The following EPS15 variants were observed in gnomAD, a reference collection of about 807,000 sequenced individuals.
EPS15 encodes the protein epidermal growth factor receptor substrate 15.
EPS15 carries 72 observed loss-of-function variants against 113.8 expected under a neutral mutation model. The ratio of observed to expected loss-of-function variants is 0.63; its 90% CI spans 0.52 to 0.77. The LOEUF (loss-of-function observed/expected upper bound fraction) is 0.77. Ranked by LOEUF, EPS15 falls within the 30% of genes least tolerant of loss-of-function variation. EPS15 has a pLI of 0.00. For synonymous variants in EPS15, 344 were observed against 363.4 expected, an observed-to-expected ratio of 0.95 and a Z score of 0.61; for missense variants, 1,048 against 1,045.8, an observed-to-expected ratio of 1.00 and a Z score of -0.03.
chr1:51,509,363 C>T (rs1280156788), intron 1 of EPS15, among the ~76,000 whole-genome samples: 1 of 152,068 alleles, frequency 6.6e-6, no homozygotes, highest in Non-Finnish European at 1.5e-5. Flanking sequence ...TAATTAAGTG[C>T]AACATTTCAT....
chr1:51,458,453 TGGGC>T, intron 8 of EPS15: 1 of 361,178 alleles, frequency 2.8e-6, no homozygotes, highest in South Asian at 1.9e-5. Flanking sequence ...ATTTTTGTCT[TGGGC>T]CTGAAGAGGT....
chr1:51,463,949 T>C (rs994092366), intron 6 of EPS15, 151 bp from the exon 7 acceptor site: 1 of 454,052 alleles, frequency 2.2e-6, no homozygotes, highest in Admixed American at 4.0e-5. Context: ...ATAATATTCA[T>C]TGTAAAGATA....
intron 21 of EPS15, among the ~76,000 whole-genome samples, chr1:51,379,593 G>C (rs1427655690): frequency 6.6e-6 from 1 of 152,194 alleles, no homozygotes; most frequent in Non-Finnish European, 1.5e-5. Context: ...AAAACTGAAT[G>C]GTTCATTACC....
chr1:51,501,529 G>C (rs1644414561), intron 1 of EPS15, among the ~76,000 whole-genome samples: 1 of 151,852 alleles, frequency 6.6e-6, no homozygotes, highest in Non-Finnish European at 1.5e-5. Flanking sequence ...ACCCAGGCTG[G>C]AGTGCAGTGG....
chr1:51,423,507 A>G, intron 12 of EPS15: 2 of 985,396 alleles, frequency 2.0e-6, no homozygotes, highest in Non-Finnish European at 2.4e-6. Flanking sequence ...GATAAGTCAC[A>G]TGAAAATCTA....
intron 5 of EPS15, among the ~76,000 whole-genome samples, chr1:51,465,860 A>C (rs1026320139): frequency 2.0e-5 from 3 of 151,786 alleles, no homozygotes; most frequent in Non-Finnish European, 4.4e-5. Flanking sequence ...TAGTATGCAG[A>C]CCAAAAACTT....
intron 22 of EPS15, among the ~76,000 whole-genome samples, chr1:51,365,545 A>G (rs1033938635): frequency 6.6e-6 from 1 of 152,222 alleles, no homozygotes; most frequent in Non-Finnish European, 1.5e-5. Flanking sequence ...TAATTACCTT[A>G]ATACTGGCCC....
chr1:51,454,840 G>A (rs749789002), intron 8 of EPS15, among the ~76,000 whole-genome samples: 18 of 151,952 alleles, frequency 1.2e-4, no homozygotes, highest in Non-Finnish European at 2.2e-4. Flanking sequence ...ATGTAATATG[G>A]TAAAAAGGGA....
chr1:51,358,699 G>GTTTTTTT (rs1181151202), intron 24 of EPS15, among the ~76,000 whole-genome samples: 8 of 129,316 alleles, frequency 6.2e-5, no homozygotes, highest in African/African-American at 2.3e-4. Flanking sequence ...AACCAGATTT[G>GTTTTTTT]TTTTTTTTTG....
At chr1:51,487,204 T>A (rs1040937607) in intron 1 of EPS15, among the ~76,000 whole-genome samples, 2 of 152,214 alleles carry the variant, frequency 1.3e-5, no homozygotes, top group African/African-American at 4.8e-5. Context: ...TGGAAAATCA[T>A]ATTCAGAAAA....
intron 10 of EPS15, among the ~76,000 whole-genome samples, chr1:51,446,107 T>C (rs949305770): frequency 6.6e-6 from 1 of 152,208 alleles, no homozygotes; most frequent in Non-Finnish European, 1.5e-5. Context: ...TGGCCCCACT[T>C]GTGACGTTTC....
At chr1:51,501,200 G>A (rs765299199) in intron 1 of EPS15, among the ~76,000 whole-genome samples, 1 of 151,026 alleles carries the variant, frequency 6.6e-6, no homozygotes, top group Non-Finnish European at 1.5e-5. Context: ...CTGAGTTCAG[G>A]AGTGGGAGAC....
chr1:51,400,855 A>G (rs1648474479), intron 19 of EPS15, 63 bp downstream of exon 19: 2 of 1,119,384 alleles, frequency 1.8e-6, no homozygotes, highest in South Asian at 1.5e-5. Context: ...GACCTAAATA[A>G]CATAAGCTTA....
intron 21 of EPS15, among the ~76,000 whole-genome samples, chr1:51,393,830 G>C (rs964304471): frequency 1.3e-5 from 2 of 152,116 alleles, no homozygotes; most frequent in Non-Finnish European, 2.9e-5. Flanking sequence ...TAAACTGTAC[G>C]ATCTTGATGA....
intron 23 of EPS15, among the ~76,000 whole-genome samples, chr1:51,362,153 T>C (rs1011734606): frequency 1.3e-5 from 2 of 152,052 alleles, no homozygotes; most frequent in African/African-American, 4.8e-5. Flanking sequence ...AAGCTGGTAA[T>C]AGCAATCATA....
intron 1 of EPS15, among the ~76,000 whole-genome samples, chr1:51,508,362 AAGAAAG>A (rs1309680199): frequency 1.3e-5 from 2 of 150,882 alleles, no homozygotes; most frequent in Admixed American, 6.6e-5. Context: ...GAAAGAAAGA[AAGAAAG>A]AAAGAAAGAA....
intron 1 of EPS15, among the ~76,000 whole-genome samples, chr1:51,516,278 A>G (rs1367647401): frequency 6.6e-6 from 1 of 152,246 alleles, no homozygotes; most frequent in Non-Finnish European, 1.5e-5. Context: ...TCTAGCAGAA[A>G]TAAGTTCCAG....
At chr1:51,480,258 T>C (rs748233007) in intron 2 of EPS15, among the ~76,000 whole-genome samples, 1 of 152,196 alleles carries the variant, frequency 6.6e-6, no homozygotes, top group African/African-American at 2.4e-5. Flanking sequence ...AATCATAAGG[T>C]AGTGAGACTG....
chr1:51,493,819 T>C (rs1451664596), intron 1 of EPS15, among the ~76,000 whole-genome samples: 3 of 152,006 alleles, frequency 2.0e-5, no homozygotes, highest in African/African-American at 4.8e-5. Context: ...TTTACTATGT[T>C]GGCCAGGCTG....
Sources: allele counts gnomAD v4.1 joint callset (sites outside exome capture counted in the v4.1 genomes callset), GRCh38; gene constraint gnomAD v4.1.1; transcripts MANE v1.5; gene names NCBI Gene and HGNC (gene_info 2026-07-23, HGNC 2026-07-21).